Variants in NLRP12 observed in about 807,000 individuals in gnomAD.
The protein encoded by NLRP12 is NLR family pyrin domain containing 12, also known as NACHT, LRR and PYD domains-containing protein 12.
Under a neutral mutation model 91.2 loss-of-function variants are expected in NLRP12, and 108 were observed. That is an observed-to-expected ratio of 1.18 (90% confidence interval 1.01 to 1.39). The LOEUF is 1.39. Ranked by LOEUF, NLRP12 falls within the 40% of genes most tolerant of loss-of-function variation. The pLI is 0.00. For missense variants in NLRP12, 1,530 were observed against 1,352.7 expected, an observed-to-expected ratio of 1.13 and a Z score of -2.06; for synonymous variants, 613 against 566.7, an observed-to-expected ratio of 1.08 and a Z score of -1.16.
At chr19:53,819,559 A>ATGTATATACATG (rs2092227944) in intron 1 of NLRP12, among the ~76,000 whole-genome samples, 1 of 103,782 alleles carries the variant, frequency 9.6e-6, no homozygotes, top group Non-Finnish European at 2.2e-5. Flanking sequence ...ATGTATGTAT[A>ATGTATATACATG]CGTATATATA....
rs779278822 is a variant in NLRP12 at position 53,796,055 on chromosome 19, G to T, written c.2928-26C>A. On this transcript the variant is annotated intron_variant, in intron 8 of 9. Coordinates refer to ENST00000324134, the MANE Select transcript of NLRP12 (RefSeq NM_144687.4). The stretch of plus-strand genomic sequence containing the variant: ...CTGGTGAAGATAAGGAGTTGGTTAA[G>T]GTAACACCAGGGGCTACTTATGTTA... 3.7e-6 allele frequency: 6 copies of T among 1,608,718 alleles called. 1 individual carries two copies. The South Asian group carries it at 5.5e-5, about 15-fold the overall frequency.
chr19:53,808,147 T>C (rs2091993517), intron 3 of NLRP12: 1 of 288,112 alleles, frequency 3.5e-6, no homozygotes, highest in Non-Finnish European at 6.8e-6. Context: ...AGGCTTGACC[T>C]CCCAGGCTTA....
chr19:53,809,540 A>AAAC (rs1555795538), intron 3 of NLRP12, 47 bp downstream of exon 3: 13 of 1,448,268 alleles, frequency 9.0e-6, no homozygotes, highest in African/African-American at 6.6e-5. Context: ...AAAAAAAAAA[A>AAAC]ACACACGAAC....
chr19:53,795,159 T>A (rs1375307242), intron 9 of NLRP12, among the ~76,000 whole-genome samples: 2 of 151,272 alleles, frequency 1.3e-5, no homozygotes, highest in African/African-American at 4.9e-5. Flanking sequence ...TTTTCCTAAC[T>A]CAGCCTGTCA....
intron 6 of NLRP12, among the ~76,000 whole-genome samples, chr19:53,801,979 G>C (rs1218770529): frequency 6.6e-6 from 1 of 152,006 alleles, no homozygotes; most frequent in Non-Finnish European, 1.5e-5. Context: ...TGTAATCTCA[G>C]CACTTTGGGA....
chr19:53,805,521 CTTT>C (rs34166148), intron 4 of NLRP12, 71 bp from the exon 5 acceptor site: 70 of 1,179,228 alleles, frequency 5.9e-5, no homozygotes, highest in African/African-American at 9.7e-5. Flanking sequence ...TTTTCTTTTG[CTTT>C]TTTTTTTTTT....
At position 53,822,425 on chromosome 19, in the gene NLRP12, C is replaced by T. The variant is rs146129305; in HGVS notation, c.289+1461G>A. Among the ~76,000 whole-genome samples, 329 of 151,778 alleles carry T rather than the reference C, an allele frequency of 2.2e-3. 1 individual carries two copies. Among genetic ancestry groups the T allele is most frequent in the African/African-American group, 6.8e-3 (282 of 41,398 alleles). On this transcript the variant is annotated intron_variant, in intron 1 of 9. Coordinates refer to ENST00000324134, the MANE Select transcript of NLRP12 (RefSeq NM_144687.4). ...TGAGCCCAGGAGTTCAAGACCAGCCCGGGCAACATAAGGACACCTCATCTT... is the reference window on the plus strand; with the variant it reads ...TGAGCCCAGGAGTTCAAGACCAGCCTGGGCAACATAAGGACACCTCATCTT...
intron 1 of NLRP12, among the ~76,000 whole-genome samples, chr19:53,817,839 C>G (rs2092186074): frequency 1.3e-5 from 2 of 151,884 alleles, no homozygotes; most frequent in Admixed American, 1.3e-4. Context: ...GTCGTCCAGG[C>G]TGGTGTGATG....
At chr19:53,823,014 C>T (rs1195569007) in intron 1 of NLRP12, among the ~76,000 whole-genome samples, 3 of 151,442 alleles carry the variant, frequency 2.0e-5, no homozygotes, top group East Asian at 1.9e-4. Context: ...GTGACCCACC[C>T]GCCTTGGCCT....
intron 5 of NLRP12, among the ~76,000 whole-genome samples, chr19:53,805,043 A>T (rs1229419228): frequency 2.0e-5 from 3 of 151,998 alleles, no homozygotes; most frequent in Non-Finnish European, 2.9e-5. Context: ...AGAAAAAAAG[A>T]AGAGGTGGGG....
At chr19:53,815,909 G>A (rs1364558716) in intron 1 of NLRP12, among the ~76,000 whole-genome samples, 3 of 151,568 alleles carry the variant, frequency 2.0e-5, no homozygotes, top group African/African-American at 4.8e-5. Flanking sequence ...TGCGCCTGGC[G>A]ACTCTGTCTC....
intron 8 of NLRP12, 42 bp downstream of exon 8, chr19:53,798,201 C>T (rs1195887199): frequency 6.2e-7 from 1 of 1,610,300 alleles, no homozygotes; most frequent in Non-Finnish European, 8.5e-7. Context: ...CTTCCACTGT[C>T]CAAACGTGAC....
rs759376100 is a variant in NLRP12 at position 53,811,242 on chromosome 19, G to C, written c.417C>G (p.Leu139=). The part of the protein sequence containing the change: ...YRDYVRRKFR[L]MEDRNARLGE... Reference sequence around the variant, plus strand: ...CTAGGCGCGCATTGCGGTCTTCCATGAGCCGGAATTTCCTGCGGACATAGT... The same window carrying C: ...CTAGGCGCGCATTGCGGTCTTCCATCAGCCGGAATTTCCTGCGGACATAGT... Residue 139 remains leucine, a synonymous_variant, in exon 3 of 10, where the codon CTC becomes CTG. Coordinates refer to ENST00000324134, the MANE Select transcript of NLRP12 (RefSeq NM_144687.4). 3 of 1,614,074 alleles carry C rather than the reference G, an allele frequency of 1.9e-6. No individual in the cohort carries two copies. Among genetic ancestry groups the C allele is most frequent in the African/African-American group, 2.7e-5 (2 of 75,050 alleles).
intron 2 of NLRP12, among the ~76,000 whole-genome samples, chr19:53,814,674 G>T (rs1599853090): frequency 6.6e-6 from 1 of 152,232 alleles, no homozygotes. Flanking sequence ...TGTTGCCCCT[G>T]CGTGTATGAG....
intron 1 of NLRP12, 54 bp from the exon 2 acceptor site, chr19:53,815,042 C>T (rs777510095): frequency 4.5e-6 from 6 of 1,326,180 alleles, no homozygotes; most frequent in African/African-American, 1.4e-5. Flanking sequence ...AGTAGCACCG[C>T]GTCATATTAG....
At position 53,810,313 on chromosome 19, in the gene NLRP12, G is replaced by T. The variant is rs1016647701; in HGVS notation, c.1346C>A (p.Ala449Asp). The change falls in exon 3 of 10, where the codon GCC (alanine) becomes GAC (aspartate). Residue 449 changes from alanine (A) to aspartate (D), a missense_variant. Transcript: ENST00000324134. ...LLSLMQPKPG[A>D]PRLQPPPNQR... Reference sequence around the variant, plus strand: ...GTTGGGTGGGGGCTGGAGGCGCGGGGCCCCCGGCTTGGGTTGCATCAGACT... The same window carrying T: ...GTTGGGTGGGGGCTGGAGGCGCGGGTCCCCCGGCTTGGGTTGCATCAGACT... 3.1e-6 allele frequency: 5 copies of T among 1,613,664 alleles called. No individual in the cohort carries two copies. The highest frequency in any genetic ancestry group is 4.2e-6 in the Non-Finnish European group (5 of 1,180,014).
chr19:53,814,533 T>C (rs2092127157), intron 2 of NLRP12, among the ~76,000 whole-genome samples: 1 of 152,118 alleles, frequency 6.6e-6, no homozygotes, highest in African/African-American at 2.4e-5. Flanking sequence ...GTATTTTTAG[T>C]AGAGACGGGG....
chr19:53,822,912 C>T (rs548480621), intron 1 of NLRP12, among the ~76,000 whole-genome samples: 34 of 151,844 alleles, frequency 2.2e-4, no homozygotes, highest in South Asian at 1.0e-3. Context: ...GGACTATAAG[C>T]GTGTGCCACC....
At chr19:53,798,108 T>C (rs1465005046) in intron 8 of NLRP12, 135 bp downstream of exon 8, 1 of 1,041,204 alleles carries the variant, frequency 9.6e-7, no homozygotes, top group African/African-American at 1.6e-5. Flanking sequence ...CTGTCTTTTC[T>C]TTCCACCTCT....
Sources: gnomAD v4.1 joint callset for allele counts (sites outside exome capture counted in the v4.1 genomes callset) on GRCh38, gnomAD v4.1.1 for gene constraint, MANE v1.5 for transcripts, NCBI Gene and HGNC (gene_info 2026-07-23, HGNC 2026-07-21) for gene names.